Variants in CEP112 observed in about 807,000 individuals in gnomAD.
The protein encoded by CEP112 is centrosomal protein 112.
Under a neutral mutation model 153.0 loss-of-function variants are expected in CEP112, and 127 were observed. That is an observed-to-expected ratio of 0.83 (90% CI 0.72 to 0.96). The LOEUF (loss-of-function observed/expected upper bound fraction) is 0.96, where lower values mean the gene tolerates loss of function less well. Ranked by LOEUF, CEP112 falls within the 40% of genes least tolerant of loss-of-function variation. CEP112 has a pLI of 0.00. For missense variants in CEP112, 1,089 were observed against 1,101.2 expected (o/e 0.99, Z 0.16); for synonymous variants, 358 against 374.4 (o/e 0.96, Z 0.51).
chr17:65,937,470 C>T (rs1305770355), intron 18 of CEP112, among the ~76,000 whole-genome samples: 13 of 116,610 alleles, frequency 1.1e-4, no homozygotes, highest in East Asian at 5.7e-4. Flanking sequence ...CCGGCCGCCC[C>T]GTCTGAGAAG....
chr17:66,054,426 G>A lies in CEP112; in HGVS notation c.1075-547C>T, dbSNP rs1208988138. On this transcript the variant is annotated intron_variant, in intron 11 of 26. Coordinates refer to ENST00000535342, the MANE Select transcript of CEP112 (RefSeq NM_001199165.4). ...ATCAGTCAAACAATATGGGTAGGAT[G>A]ACTAAGCAGAATTGTATACTACATG... 2.0e-5 allele frequency among the ~76,000 whole-genome samples: 3 copies of A among 152,164 alleles called. No homozygotes were observed. The East Asian group carries it at 5.8e-4, about 29-fold the overall frequency.
intron 23 of CEP112, among the ~76,000 whole-genome samples, chr17:65,710,999 C>T (rs1350510074): frequency 1.3e-5 from 2 of 152,180 alleles, no homozygotes; most frequent in Admixed American, 6.5e-5. Context: ...CTTGTCATGG[C>T]ATTCCTGGGT....
At chr17:66,178,143 C>G (rs1041335537) in intron 2 of CEP112, among the ~76,000 whole-genome samples, 4 of 152,148 alleles carry the variant, frequency 2.6e-5, no homozygotes, top group African/African-American at 7.2e-5. Flanking sequence ...ACCTCAAACT[C>G]TTCTCCGTAG....
chr17:65,789,757 C>T (rs574712243), intron 21 of CEP112, among the ~76,000 whole-genome samples: 43 of 152,160 alleles, frequency 2.8e-4, no homozygotes, highest in African/African-American at 8.9e-4. Flanking sequence ...ATTTCTCTAT[C>T]GGCCTATACA....
rs975914969 is a variant in CEP112, at chr17:65,855,870, C to T, written c.2164-3836G>A. Among the ~76,000 whole-genome samples, 7 of 152,086 alleles carry T rather than the reference C, an allele frequency of 4.6e-5. 1 individual carries two copies. The highest frequency in any genetic ancestry group is 4.6e-4 in the Admixed American group (7 of 15,266). On this transcript the variant is annotated intron_variant, in intron 20 of 26. Transcript: ENST00000535342. ...CTTGAGCCTAGGAGTTCAAGACCAG[C>T]CTTGGCAATATAGTGAGGCTCCTTC... is the stretch of plus-strand genomic sequence containing the variant.
At chr17:66,094,825 TA>T (rs1374246478) in intron 8 of CEP112, among the ~76,000 whole-genome samples, 4 of 152,094 alleles carry the variant, frequency 2.6e-5, no homozygotes, top group Non-Finnish European at 5.9e-5. Context: ...AACCTGATTT[TA>T]AAATGGGCAA....
intron 12 of CEP112, among the ~76,000 whole-genome samples, chr17:66,045,462 A>C (rs550236939): frequency 6.6e-6 from 1 of 152,326 alleles, no homozygotes; most frequent in South Asian, 2.1e-4. Flanking sequence ...TGGTATGACC[A>C]CTTTGAAAAG....
At chr17:65,754,503 G>A (rs1259580424) in intron 21 of CEP112, among the ~76,000 whole-genome samples, 1 of 152,180 alleles carries the variant, frequency 6.6e-6, no homozygotes, top group Non-Finnish European at 1.5e-5. Context: ...CAGCTACTTG[G>A]GAGGGTGAAG....
intron 20 of CEP112, among the ~76,000 whole-genome samples, chr17:65,877,133 C>T (rs529097893): frequency 3.3e-5 from 5 of 152,182 alleles, no homozygotes; most frequent in Admixed American, 6.5e-5. Context: ...CGGCCCAGCC[C>T]TCTGTCTGAT....
chr17:66,132,877 C>T (rs149971858), intron 4 of CEP112, 114 bp from the exon 5 acceptor site: 201 of 757,558 alleles, frequency 2.7e-4, no homozygotes, highest in African/African-American at 2.1e-3. Context: ...TTTGTATTAA[C>T]AATGATGTTC....
chr17:66,096,191 AT>A (rs2068337068), intron 8 of CEP112, 59 bp downstream of exon 8: 2 of 1,223,782 alleles, frequency 1.6e-6, no homozygotes. Context: ...GAAAACCTAG[AT>A]TACATAAAAT....
chr17:66,157,940 G>C (rs2071520869), intron 4 of CEP112, among the ~76,000 whole-genome samples: 1 of 152,030 alleles, frequency 6.6e-6, no homozygotes, highest in Non-Finnish European at 1.5e-5. Context: ...AGAATAGTGG[G>C]AGACTTTAAC....
In CEP112 at chr17:66,045,411, T is replaced by C. The variant is rs2066163955; in HGVS notation, c.1218+8325A>G. Reference sequence around the variant, plus strand: ...TGGTAAGTCCAAGTCTTGGCAAGGATGTGAAGACAATTCCTACTCTTGTTG... The same window carrying C: ...TGGTAAGTCCAAGTCTTGGCAAGGACGTGAAGACAATTCCTACTCTTGTTG... On this transcript the variant is annotated intron_variant, in intron 12 of 26. Transcript: ENST00000535342. Among the ~76,000 whole-genome samples, 3 of 152,282 alleles carry C rather than the reference T, an allele frequency of 2.0e-5. No homozygotes were observed. The South Asian group carries it at 6.2e-4, about 32-fold the overall frequency.
intron 6 of CEP112, among the ~76,000 whole-genome samples, chr17:66,123,865 TTTAA>T (rs1313670818): frequency 1.3e-5 from 2 of 152,146 alleles, no homozygotes; most frequent in Non-Finnish European, 2.9e-5. Flanking sequence ...CAATCTCTAG[TTTAA>T]TTCTCTATGA....
chr17:66,165,246 C>T (rs1166085847), intron 4 of CEP112, among the ~76,000 whole-genome samples: 3 of 151,158 alleles, frequency 2.0e-5, no homozygotes, highest in Non-Finnish European at 2.9e-5. Context: ...CACAGTAGCC[C>T]CTAATCACAT....
intron 6 of CEP112, among the ~76,000 whole-genome samples, chr17:66,102,242 G>A (rs1255594119): frequency 6.6e-6 from 1 of 152,122 alleles, no homozygotes; most frequent in Non-Finnish European, 1.5e-5. Context: ...AGACGTTTAT[G>A]ACAAGCTGTG....
chr17:65,827,023 C>T (rs1044333229), intron 21 of CEP112, among the ~76,000 whole-genome samples: 1 of 152,224 alleles, frequency 6.6e-6, no homozygotes, highest in Admixed American at 6.5e-5. Context: ...AAAGAGCAGA[C>T]CTGCTGAGTC....
chr17:66,164,465 G>A (rs1489164271), intron 4 of CEP112, among the ~76,000 whole-genome samples: 1 of 151,122 alleles, frequency 6.6e-6, no homozygotes, highest in African/African-American at 2.4e-5. Context: ...GGCTGGGGCA[G>A]GAGAATCACT....
intron 21 of CEP112, among the ~76,000 whole-genome samples, chr17:65,814,989 T>C (rs1598664111): frequency 6.6e-6 from 1 of 152,290 alleles, no homozygotes; most frequent in South Asian, 2.1e-4. Flanking sequence ...GTCTTTTTAT[T>C]TTCTTAAGAG....
Sources: gnomAD v4.1 joint callset for allele counts (sites outside exome capture counted in the v4.1 genomes callset) on GRCh38, gnomAD v4.1.1 for gene constraint, MANE v1.5 for transcripts, NCBI Gene and HGNC (gene_info 2026-07-23, HGNC 2026-07-21) for gene names.